The following ZHX3 variants were observed in gnomAD, a reference collection of about 807,000 sequenced individuals.
ZHX3 encodes the protein zinc fingers and homeoboxes protein 3.
ZHX3 carries 20 observed loss-of-function variants against 64.5 expected under a neutral mutation model. The observed-to-expected ratio is 0.31, with a 90% CI of 0.22 to 0.45. The LOEUF (loss-of-function observed/expected upper bound fraction) is 0.45, where lower values mean the gene tolerates loss of function less well. ZHX3 is among the 20% of genes least tolerant of loss of function. The pLI is 1.00. For synonymous variants in ZHX3, 423 were observed against 461.6 expected (o/e 0.92, Z 1.07); for missense variants, 1,041 against 1,195.8 (o/e 0.87, Z 1.91).
intron 2 of ZHX3, among the ~76,000 whole-genome samples, chr20:41,248,694 T>C (rs190849748): frequency 4.3e-4 from 65 of 152,350 alleles, no homozygotes; most frequent in African/African-American, 1.4e-3. Context: ...CATTCTTTTA[T>C]AAAGCTCCCT....
rs140531525 is a variant in ZHX3, at chr20:41,215,376, T to G, written c.-150-10310A>C. Among the ~76,000 whole-genome samples, 667 of 152,330 alleles carry G rather than the reference T, an allele frequency of 4.4e-3. 8 individuals are homozygous for G. The highest frequency in any genetic ancestry group is 0.023 in the East Asian group (117 of 5,192). The stretch of plus-strand genomic sequence containing the variant: ...TTGGTAATTGCTCAATTCACTAAAT[T>G]AGCAAAGCTATAGTTAATAGCCACT... On this transcript the variant is annotated intron_variant, in intron 2 of 3. Coordinates refer to ENST00000683867, the MANE Select transcript of ZHX3 (RefSeq NM_001384317.1).
At chr20:41,242,593 C>T (rs187160677) in intron 2 of ZHX3, among the ~76,000 whole-genome samples, 139 of 152,268 alleles carry the variant, frequency 9.1e-4, no homozygotes, top group African/African-American at 3.2e-3. Context: ...TGTCTGCTGG[C>T]CTCTGACCCA....
rs191475189 is a variant in ZHX3 at position 41,202,377 on chromosome 20, C to T, written c.2540G>A (p.Arg847Gln). 56 of 1,614,144 alleles carry T rather than the reference C, an allele frequency of 3.5e-5. No individual in the cohort carries two copies. The highest frequency in any genetic ancestry group is 2.2e-4 in the Admixed American group (13 of 60,020). ...CATGTAATAGTCCTGCAGGAGCTCC[C>T]GGTTGCCAGGGGCAATGACCAGTAG... ...PGLLVIAPGN[R>Q]ELLQDYYMTH... The change falls in exon 3 of 4, where the codon CGG becomes CAG. Residue 847 changes from arginine to glutamine, a missense_variant. Arg to Gln is a conservative substitution (Grantham distance 43). Coordinates refer to ENST00000683867, the MANE Select transcript of ZHX3 (RefSeq NM_001384317.1). This position sits in a 1 kb window ranked among gnomAD's most constrained non-coding sequence, Gnocchi z 7.0.
intron 2 of ZHX3, among the ~76,000 whole-genome samples, chr20:41,215,311 CA>C (rs778857758): frequency 6.6e-6 from 1 of 152,018 alleles, no homozygotes; most frequent in African/African-American, 2.4e-5. Context: ...AAAATAAAAA[CA>C]AAAGTGCATA....
intron 1 of ZHX3, among the ~76,000 whole-genome samples, chr20:41,293,279 A>G (rs2044341003): frequency 6.6e-6 from 1 of 152,230 alleles, no homozygotes; most frequent in South Asian, 2.1e-4. Flanking sequence ...CATTTTAACC[A>G]AATTCCCAGG....
chr20:41,190,869 T>C (rs2036958905), intron 3 of ZHX3, among the ~76,000 whole-genome samples: 2 of 152,222 alleles, frequency 1.3e-5, no homozygotes, highest in Admixed American at 1.3e-4. Flanking sequence ...TATCTCATTT[T>C]CTCCTGATCT....
rs560162018 is a variant in ZHX3, at chr20:41,238,955, T to C, written c.-151+30035A>G. On this transcript the variant is annotated intron_variant, in intron 2 of 3. Coordinates refer to ENST00000683867, the MANE Select transcript of ZHX3 (RefSeq NM_001384317.1). ...CGGCTTCAGGTTGAGTTTGAGTCAG[T>C]TGCTCTATGATGAAAACAAGGGCCT... 3.3e-5 allele frequency among the ~76,000 whole-genome samples: 5 copies of C among 151,498 alleles called. No homozygotes were observed. In the South Asian group the frequency reaches 1.0e-3, roughly 32 times the overall value.
chr20:41,248,965 A>T (rs2041855579), intron 2 of ZHX3, among the ~76,000 whole-genome samples: 1 of 152,256 alleles, frequency 6.6e-6, no homozygotes, highest in Non-Finnish European at 1.5e-5. Flanking sequence ...TGTGTGTCAC[A>T]GCCAATAAAG....
chr20:41,246,677 A>C (rs1008235102), intron 2 of ZHX3, among the ~76,000 whole-genome samples: 13 of 152,160 alleles, frequency 8.5e-5, no homozygotes, highest in Non-Finnish European at 1.6e-4. Context: ...GTTTAAGACC[A>C]GCCTGGCCAA....
chr20:41,252,823 C>T (rs961332693), intron 2 of ZHX3, among the ~76,000 whole-genome samples: 1 of 152,128 alleles, frequency 6.6e-6, no homozygotes, highest in Admixed American at 6.5e-5. Context: ...TTTTCTCTTC[C>T]TCAACACAAC....
chr20:41,299,665 C>G (rs1277686334), intron 1 of ZHX3, among the ~76,000 whole-genome samples: 1 of 152,048 alleles, frequency 6.6e-6, no homozygotes, highest in African/African-American at 2.4e-5. Flanking sequence ...AGTTCGAGAC[C>G]AGCTTTGCCA....
chr20:41,222,546 C>G (rs2040012160), intron 2 of ZHX3, among the ~76,000 whole-genome samples: 1 of 152,096 alleles, frequency 6.6e-6, no homozygotes, highest in Non-Finnish European at 1.5e-5. Context: ...CCAAAAGCTG[C>G]TCAAATCTAC....
intron 2 of ZHX3, among the ~76,000 whole-genome samples, chr20:41,222,579 T>C (rs548340478): frequency 1.4e-4 from 21 of 151,680 alleles, no homozygotes; most frequent in African/African-American, 4.4e-4. Context: ...GAAATGGGGG[T>C]TGGGGGGAGG....
Position 41,203,043 on chromosome 20 carries a change from C to G in ZHX3, c.1874G>C (p.Arg625Thr). Residue 625 changes from arginine (R) to threonine (T), a missense_variant, in exon 3 of 4, where the codon AGA becomes ACA. Transcript: ENST00000683867. This position sits in a 1 kb window ranked among gnomAD's most constrained non-coding sequence, Gnocchi z 7.1. ...TTGTGCAAAACTGCTCTCCAGGGCTCTGAGCTGCTCAGGGGCTCTCTCCTT... is the reference window on the plus strand; with the variant it reads ...TTGTGCAAAACTGCTCTCCAGGGCTGTGAGCTGCTCAGGGGCTCTCTCCTT... ...KYKERAPEQL[R>T]ALESSFAQNP... 1 of 1,614,200 alleles carries G rather than the reference C, an allele frequency of 6.2e-7. No homozygotes were observed. The highest frequency in any genetic ancestry group is 8.5e-7 in the Non-Finnish European group (1 of 1,180,044).
chr20:41,262,542 C>G (rs942281815), intron 2 of ZHX3, among the ~76,000 whole-genome samples: 1 of 152,184 alleles, frequency 6.6e-6, no homozygotes, highest in Non-Finnish European at 1.5e-5. Context: ...AACACCACTC[C>G]CTCTCTCTTT....
At chr20:41,193,666 G>T (rs958903749) in intron 3 of ZHX3, among the ~76,000 whole-genome samples, 5 of 128,130 alleles carry the variant, frequency 3.9e-5, no homozygotes, top group African/African-American at 8.2e-5. Flanking sequence ...AACTATTTTT[G>T]TGTGTGTGTG....
rs575157769 is a variant in ZHX3, at chr20:41,270,506, T to C, written c.-244-1423A>G. 3.9e-5 allele frequency among the ~76,000 whole-genome samples: 6 copies of C among 151,928 alleles called. No homozygotes were observed. In the South Asian group the frequency reaches 1.2e-3, roughly 32 times the overall value. ...CTGGCTAACACGGTGAAACCCTGTCTCTACTAAAAATACAAAAAAATTAGC... is the reference window on the plus strand; with the variant it reads ...CTGGCTAACACGGTGAAACCCTGTCCCTACTAAAAATACAAAAAAATTAGC... On this transcript the variant is annotated intron_variant, in intron 1 of 3. Transcript: ENST00000683867.
chr20:41,234,808 T>A (rs2040856548), intron 2 of ZHX3, among the ~76,000 whole-genome samples: 1 of 152,222 alleles, frequency 6.6e-6, no homozygotes, highest in Admixed American at 6.5e-5. Flanking sequence ...CGGCCAGGCC[T>A]TCCTGCTGGC....
intron 1 of ZHX3, among the ~76,000 whole-genome samples, chr20:41,288,867 T>A (rs896747074): frequency 3.9e-5 from 6 of 152,244 alleles, no homozygotes; most frequent in Non-Finnish European, 7.3e-5. Flanking sequence ...TATAATTTCA[T>A]TCATTTAATT....
Sources: allele counts gnomAD v4.1 joint callset (sites outside exome capture counted in the v4.1 genomes callset), GRCh38; gene constraint gnomAD v4.1.1; non-coding constraint Gnocchi (gnomAD v3.1); transcripts MANE v1.5; gene names NCBI Gene and HGNC (gene_info 2026-07-23, HGNC 2026-07-21).